The following SH2D3C variants were observed in gnomAD, a reference collection of about 807,000 sequenced individuals.
The protein encoded by SH2D3C is SH2 domain-containing protein 3C.
Under a neutral mutation model 75.2 loss-of-function variants are expected in SH2D3C, and 25 were observed. The ratio of observed to expected loss-of-function variants is 0.33; its 90% CI spans 0.24 to 0.46. The LOEUF (loss-of-function observed/expected upper bound fraction) is 0.46, where lower values mean the gene tolerates loss of function less well. SH2D3C is among the 20% of genes least tolerant of loss of function. SH2D3C has a pLI of 1.00. For synonymous variants in SH2D3C, 450 were observed against 473.7 expected (o/e 0.95, Z 0.65); for missense variants, 933 against 1,165.3 (o/e 0.80, Z 2.90).
chr9:127,745,128 T>C (rs775146341), intron 6 of SH2D3C, 29 bp from the exon 7 acceptor site: 9 of 1,464,536 alleles, frequency 6.1e-6, no homozygotes, highest in East Asian at 4.7e-5. Flanking sequence ...AGAGGCCCCG[T>C]TATAGCAGCT....
intron 7 of SH2D3C, 142 bp downstream of exon 7, chr9:127,744,422 T>C: frequency 9.1e-7 from 1 of 1,094,994 alleles, no homozygotes; most frequent in Non-Finnish European, 1.3e-6. Flanking sequence ...CAGCCCAGAG[T>C]CACAGAGCAG....
At chr9:127,772,590 A>G (rs777095482) in intron 2 of SH2D3C, among the ~76,000 whole-genome samples, 7 of 151,948 alleles carry the variant, frequency 4.6e-5, no homozygotes, top group Non-Finnish European at 8.8e-5. Flanking sequence ...TTCAACAGGC[A>G]CATGTGACTG....
intron 2 of SH2D3C, among the ~76,000 whole-genome samples, chr9:127,773,123 C>T (rs554505823): frequency 6.6e-6 from 1 of 152,254 alleles, no homozygotes; most frequent in South Asian, 2.1e-4. Flanking sequence ...ATGATTGAAT[C>T]TTCTATGGAG....
At chr9:127,768,627 T>A (rs1229351987) in intron 2 of SH2D3C, among the ~76,000 whole-genome samples, 2 of 151,946 alleles carry the variant, frequency 1.3e-5, no homozygotes, top group Non-Finnish European at 2.9e-5. Context: ...TAAAAAGAGG[T>A]CTTTTAACAA....
At chr9:127,745,543 AACCTCCACCTCCTGGGTTCAAGCAATT>A (rs2131743990) in intron 6 of SH2D3C, among the ~76,000 whole-genome samples, 1 of 137,744 alleles carries the variant, frequency 7.3e-6, no homozygotes, top group South Asian at 2.2e-4. Flanking sequence ...GGCTCACTGC[AACCTCCACCTCCTGGGTTCAAGCAATT>A]CTTCAATTCT....
At chr9:127,756,939 GT>G (rs1156382569) in intron 3 of SH2D3C, among the ~76,000 whole-genome samples, 1 of 151,762 alleles carries the variant, frequency 6.6e-6, no homozygotes, top group East Asian at 1.9e-4. Context: ...GCCTGTTCTT[GT>G]TTTTTTGAGA....
rs1385221643 is a variant in SH2D3C, at chr9:127,751,671, C to T, written c.556-371G>A. Among the ~76,000 whole-genome samples the T allele has an allele frequency of 6.6e-6, 1 of 152,146 alleles. No homozygotes were observed. Among genetic ancestry groups the T allele is most frequent in the African/African-American group, 2.4e-5 (1 of 41,426 alleles). On this transcript the variant is annotated intron_variant, in intron 3 of 11. Coordinates refer to ENST00000314830, the MANE Select transcript of SH2D3C (RefSeq NM_170600.3). This position sits in a 1 kb window ranked among gnomAD's most constrained non-coding sequence, Gnocchi z 4.1. ...CAAAGAGCCGGGTGGCTTTTACAAG[C>T]GGGATTAAGCCTGGGCACGACAGAG... is the stretch of plus-strand genomic sequence containing the variant.
chr9:127,742,934 T>G lies in SH2D3C; in HGVS notation c.1831A>C (p.Met611Leu), dbSNP rs1844909345. The G allele has an allele frequency of 1.9e-6, 3 of 1,613,826 alleles. No homozygotes were observed. Among genetic ancestry groups the G allele is most frequent in the Non-Finnish European group, 2.5e-6 (3 of 1,179,842 alleles). ...CAGCGGACTCCCATTAGGGTCTGCA[T>G]CTCCTTGGTAACGCCCAGTATCCTA... The part of the protein sequence containing the change: ...VARILGVTKE[M>L]QTLMGVRWGM... Residue 611 changes from methionine to leucine, a missense_variant, in exon 8 of 12, where the codon ATG (methionine) becomes CTG (leucine). Transcript: ENST00000314830.
chr9:127,748,374 C>A (rs1390419086), intron 5 of SH2D3C, among the ~76,000 whole-genome samples: 3 of 152,160 alleles, frequency 2.0e-5, no homozygotes, highest in Non-Finnish European at 4.4e-5. Context: ...TGGGAGCACC[C>A]AACCCAGCCC....
At chr9:127,753,530 C>T (rs985931828) in intron 3 of SH2D3C, among the ~76,000 whole-genome samples, 3 of 152,138 alleles carry the variant, frequency 2.0e-5, no homozygotes, top group Admixed American at 1.3e-4. Flanking sequence ...GCACATCCTC[C>T]GGCCGTGGTA....
intron 2 of SH2D3C, among the ~76,000 whole-genome samples, chr9:127,768,624 A>T (rs953726477): frequency 2.0e-5 from 3 of 152,196 alleles, no homozygotes; most frequent in African/African-American, 7.2e-5. Flanking sequence ...TCCTAAAAAG[A>T]GGTCTTTTAA....
At position 127,773,077 on chromosome 9, in the gene SH2D3C, TG is replaced by T. The variant is rs763075857; in HGVS notation, c.515+912del. On this transcript the variant is annotated intron_variant, in intron 2 of 11. Transcript: ENST00000314830. The stretch of plus-strand genomic sequence containing the variant: ...TCAAACTCCTAGCCTCCCAAAATAC[TG>T]GGATTACAGGCATGAGCCACTGCAC... Among the ~76,000 whole-genome samples, 181 of 152,238 alleles carry T rather than the reference TG, an allele frequency of 1.2e-3. 1 individual carries two copies. The highest frequency in any genetic ancestry group is 2.1e-3 in the Non-Finnish European group (142 of 67,994).
In SH2D3C at chr9:127,747,152, C is replaced by T. The variant is rs887437042; in HGVS notation, c.1259G>A (p.Ser420Asn). Residue 420 changes from serine to asparagine, a missense_variant, in exon 6 of 12, where the codon AGC becomes AAC. Coordinates refer to ENST00000314830, the MANE Select transcript of SH2D3C (RefSeq NM_170600.3). ...ACCCCCTCTGCTGGCCATACCAGTG[C>T]TGTAGGCAGGGGAGCTAGGGCTCTC... ...ISESPSSPAY[S>N]TVTRVHAAPA... is the part of the protein sequence containing the mutation. 6.2e-7 allele frequency: 1 copy of T among 1,613,824 alleles called. No individual in the cohort carries two copies. Among genetic ancestry groups the T allele is most frequent in the South Asian group, 1.1e-5 (1 of 91,062 alleles).
intron 3 of SH2D3C, among the ~76,000 whole-genome samples, chr9:127,756,205 G>C (rs1399941133): frequency 6.6e-6 from 1 of 152,226 alleles, no homozygotes; most frequent in African/African-American, 2.4e-5. Flanking sequence ...AGGAGGCTGA[G>C]GCATGAGAAT....
chr9:127,765,481 C>G (rs1845616873), intron 2 of SH2D3C, among the ~76,000 whole-genome samples: 2 of 152,170 alleles, frequency 1.3e-5, no homozygotes, highest in African/African-American at 4.8e-5. Context: ...GCCCTGAGGA[C>G]AAAGTCTAGT....
chr9:127,759,911 A>C (rs1845485941), intron 3 of SH2D3C, among the ~76,000 whole-genome samples: 1 of 150,990 alleles, frequency 6.6e-6, no homozygotes, highest in Non-Finnish European at 1.5e-5. Flanking sequence ...TGAACCCGGG[A>C]GGCGGAGCTT....
intron 10 of SH2D3C, 145 bp from the exon 11 acceptor site, chr9:127,740,033 C>A: frequency 1.1e-6 from 1 of 889,514 alleles, no homozygotes; most frequent in Non-Finnish European, 1.7e-6. Context: ...TGGGACAAAC[C>A]CTTTCTTTCG....
chr9:127,740,397 G>A, intron 9 of SH2D3C, 28 bp from the exon 10 acceptor site: 1 of 1,583,100 alleles, frequency 6.3e-7, no homozygotes, highest in Non-Finnish European at 8.7e-7. Flanking sequence ...TGAGAGACCA[G>A]CCAGGCAGAG....
At chr9:127,753,411 A>G (rs1024259686) in intron 3 of SH2D3C, among the ~76,000 whole-genome samples, 2 of 152,170 alleles carry the variant, frequency 1.3e-5, no homozygotes, top group Admixed American at 1.3e-4. Context: ...TGGTGGACCC[A>G]TGAAAATTTG....
Sources: gnomAD v4.1 joint callset for allele counts (sites outside exome capture counted in the v4.1 genomes callset) on GRCh38, gnomAD v4.1.1 for gene constraint, Gnocchi (gnomAD v3.1) non-coding constraint, MANE v1.5 for transcripts, NCBI Gene and HGNC (gene_info 2026-07-23, HGNC 2026-07-21) for gene names.